Variants in MYDGF observed in about 807,000 individuals in gnomAD.
MYDGF encodes the protein myeloid derived growth factor, also known as myeloid-derived growth factor.
In MYDGF, 29 loss-of-function variants were observed where a neutral mutation model predicts 24.2. The observed-to-expected ratio is 1.20, with a 90% CI of 0.89 to 1.63. The LOEUF is 1.63. MYDGF is among the 40% of genes most tolerant of loss of function. The pLI is 0.00. For missense variants in MYDGF, 245 were observed against 234.8 expected, an observed-to-expected ratio of 1.04 and a Z score of -0.29; for synonymous variants, 105 against 102.5, an observed-to-expected ratio of 1.02 and a Z score of -0.15.
intron 3 of MYDGF, among the ~76,000 whole-genome samples, chr19:4,663,566 C>G: frequency 3.9e-5 from 1 of 25,392 alleles, no homozygotes; most frequent in Admixed American, 3.4e-4. Context: ...CCCACCCCAC[C>G]CTCATTCTAC....
chr19:4,669,251 G>C (rs560349999), intron 1 of MYDGF, among the ~76,000 whole-genome samples: 1 of 152,110 alleles, frequency 6.6e-6, no homozygotes, highest in Non-Finnish European at 1.5e-5. Flanking sequence ...AGGTGGGCGG[G>C]TCACCTGCGG....
At chr19:4,659,651 C>T (rs977416351) in intron 5 of MYDGF, 36 of 509,456 alleles carry the variant, frequency 7.1e-5, no homozygotes, top group Admixed American at 2.6e-4. Context: ...CATGAGCCAC[C>T]GCGCCCAGCT....
chr19:4,667,298 T>G (rs1233109822), intron 2 of MYDGF, among the ~76,000 whole-genome samples: 1 of 151,938 alleles, frequency 6.6e-6, no homozygotes, highest in Non-Finnish European at 1.5e-5. Context: ...CCGGCTAATT[T>G]TTTGTATTTT....
chr19:4,669,949 C>A (rs990871317), intron 1 of MYDGF, among the ~76,000 whole-genome samples: 5 of 152,090 alleles, frequency 3.3e-5, no homozygotes, highest in African/African-American at 1.2e-4. Context: ...CCACAAGGCC[C>A]CGCTCCCTAT....
chr19:4,667,229 C>T (rs530386843), intron 2 of MYDGF, among the ~76,000 whole-genome samples: 11 of 150,838 alleles, frequency 7.3e-5, no homozygotes, highest in African/African-American at 1.2e-4. Flanking sequence ...CCCGGGTTCA[C>T]GCCATTCTCC....
intron 3 of MYDGF, among the ~76,000 whole-genome samples, chr19:4,663,725 CCCCA>C (rs1369152465): frequency 2.1e-5 from 2 of 94,122 alleles, no homozygotes; most frequent in African/African-American, 4.1e-5. Context: ...TCTGTGCTCT[CCCCA>C]CCCACCCCAT....
chr19:4,659,882 C>A (rs754908824), intron 5 of MYDGF, 49 bp downstream of exon 5: 24 of 1,577,772 alleles, frequency 1.5e-5, no homozygotes, highest in Middle Eastern at 3.3e-4. Flanking sequence ...GATTGCCCAC[C>A]CTTGGATGGG....
intron 2 of MYDGF, 85 bp downstream of exon 2, chr19:4,668,510 C>T (rs2088537243): frequency 1.6e-6 from 2 of 1,246,082 alleles, no homozygotes; most frequent in Non-Finnish European, 1.2e-6. Context: ...ATAGGTGAGA[C>T]CCAACCCTGC....
In MYDGF at chr19:4,658,088, CAAGA is replaced by C. The variant is rs774302596; in HGVS notation, c.443-8_443-5del. 4.4e-6 allele frequency: 7 copies of C among 1,608,022 alleles called. No individual in the cohort carries two copies. The Admixed American group carries it at 1.2e-4, about 27-fold the overall frequency. On this transcript the variant is annotated splice_region_variant and splice_polypyrimidine_tract_variant and intron_variant, in intron 5 of 5. Transcript: ENST00000262947. ...AATGCCCCGGGCCTGTGAGCCACTG[CAAGA>C]AAGAAACACATGGTTGGGCCCTCAA...
chr19:4,660,034 G>A, intron 4 of MYDGF, 31 bp from the exon 5 acceptor site: 1 of 1,586,634 alleles, frequency 6.3e-7, no homozygotes, highest in Non-Finnish European at 8.7e-7. Flanking sequence ...ACTTTACCAG[G>A]GCCAGTTCAA....
chr19:4,657,612 A>C lies in MYDGF; in HGVS notation c.*393T>G, dbSNP rs540577722. On this transcript the variant is annotated 3_prime_UTR_variant, in exon 6 of 6. Transcript: ENST00000262947. Reference sequence around the variant, plus strand: ...TTCATCTCTTCCCAGTTCATCTGAAAGGAGGTCCCCTGGGTAAACATAGGA... The same window carrying C: ...TTCATCTCTTCCCAGTTCATCTGAACGGAGGTCCCCTGGGTAAACATAGGA... 7.4e-4 allele frequency: 122 copies of C among 164,488 alleles called. No individual in the cohort carries two copies. Among genetic ancestry groups the C allele is most frequent in the African/African-American group, 2.6e-3 (110 of 42,052 alleles). The allele number at this position is 164,488 out of a possible 1,614,324, so 10.2% of individuals were successfully genotyped here.
chr19:4,660,345 A>G (rs1036376767), intron 4 of MYDGF, among the ~76,000 whole-genome samples: 7 of 151,968 alleles, frequency 4.6e-5, no homozygotes, highest in African/African-American at 1.5e-4. Context: ...CTAGGCTGGA[A>G]TCAAATTCCT....
chr19:4,660,242 C>T (rs974237121), intron 4 of MYDGF, among the ~76,000 whole-genome samples: 8 of 152,100 alleles, frequency 5.3e-5, no homozygotes, highest in African/African-American at 1.9e-4. Context: ...CCTCCTGCTG[C>T]GGCCTCCTGA....
At chr19:4,663,251 C>G (rs938608866) in intron 3 of MYDGF, among the ~76,000 whole-genome samples, 1 of 140,174 alleles carries the variant, frequency 7.1e-6, no homozygotes, top group African/African-American at 2.6e-5. Context: ...CCCCACCCAC[C>G]CCATCCTCAT....
intron 2 of MYDGF, among the ~76,000 whole-genome samples, chr19:4,667,766 C>T (rs928200096): frequency 6.6e-6 from 1 of 151,852 alleles, no homozygotes; most frequent in Non-Finnish European, 1.5e-5. Context: ...AGCACAATCA[C>T]GGCTCACTAC....
At chr19:4,668,971 G>A in intron 1 of MYDGF, among the ~76,000 whole-genome samples, 1 of 151,870 alleles carries the variant, frequency 6.6e-6, no homozygotes, top group East Asian at 1.9e-4. Flanking sequence ...AGCCTCCTGA[G>A]TACTTGGGAT....
At chr19:4,665,543 C>T (rs563975453) in intron 2 of MYDGF, among the ~76,000 whole-genome samples, 4 of 151,598 alleles carry the variant, frequency 2.6e-5, no homozygotes, top group African/African-American at 4.8e-5. Flanking sequence ...ATGTCCAGGC[C>T]GGGCGCGGTG....
At chr19:4,667,159 C>T (rs1240538122) in intron 2 of MYDGF, among the ~76,000 whole-genome samples, 1 of 134,416 alleles carries the variant, frequency 7.4e-6, no homozygotes, top group African/African-American at 2.8e-5. Flanking sequence ...GACAGAGTCT[C>T]GCTCTGTCGC....
chr19:4,658,065 T>C lies in MYDGF; in HGVS notation c.462A>G (p.Ala154=). The part of the protein sequence containing the change: ...TKTAVAHRPG[A]FKAELSKLVI... ...CCAGCTTGGACAGCTCAGCTTTGAA[T>C]GCCCCGGGCCTGTGAGCCACTGCAA... Residue 154 remains alanine (A), a synonymous_variant, in exon 6 of 6, where the codon GCA becomes GCG. Coordinates refer to ENST00000262947, the MANE Select transcript of MYDGF (RefSeq NM_019107.4). The C allele has an allele frequency of 6.2e-7, 1 of 1,611,576 alleles. No homozygotes were observed.
Sources: gnomAD v4.1 joint callset for allele counts (sites outside exome capture counted in the v4.1 genomes callset) on GRCh38, gnomAD v4.1.1 for gene constraint, MANE v1.5 for transcripts, NCBI Gene and HGNC (gene_info 2026-07-23, HGNC 2026-07-21) for gene names.